The following AFAP1L2 variants were observed in gnomAD, a reference collection of about 807,000 sequenced individuals.
AFAP1L2 encodes actin filament-associated protein 1-like 2.
Under a neutral mutation model 99.3 loss-of-function variants are expected in AFAP1L2, and 46 were observed. The observed-to-expected ratio is 0.46, with a 90% CI of 0.37 to 0.59. The LOEUF (loss-of-function observed/expected upper bound fraction) is 0.59, where lower values mean the gene tolerates loss of function less well. Ranked by LOEUF, AFAP1L2 falls within the 20% of genes least tolerant of loss-of-function variation. The pLI, the probability that AFAP1L2 is intolerant of heterozygous loss-of-function variation, is 0.00. For missense variants in AFAP1L2, 959 were observed against 1,034.9 expected, an observed-to-expected ratio of 0.93 and a Z score of 1.01; for synonymous variants, 397 against 419.1, an observed-to-expected ratio of 0.95 and a Z score of 0.64.
At chr10:114,285,018 A>C in the AFAP1L2 span, 1 of 1,444,546 alleles carries the variant, frequency 6.9e-7, no homozygotes, top group Non-Finnish European at 9.3e-7. Context: ...GAGCAAGAAG[A>C]GGACGGGCTC....
At chr10:114,375,705 A>G (rs2054705353) in intron 1 of AFAP1L2, among the ~76,000 whole-genome samples, 1 of 152,214 alleles carries the variant, frequency 6.6e-6, no homozygotes, top group African/African-American at 2.4e-5. Context: ...TAGGCATCAT[A>G]GCTCACACCT....
At chr10:114,355,221 C>T (rs1241966251) in intron 1 of AFAP1L2, among the ~76,000 whole-genome samples, 2 of 151,084 alleles carry the variant, frequency 1.3e-5, no homozygotes, top group Non-Finnish European at 2.9e-5. Context: ...GGGGAGGTTG[C>T]CTCCCCCACA....
intron 12 of AFAP1L2, 96 bp from the exon 13 acceptor site, chr10:114,301,561 A>T: frequency 2.2e-6 from 2 of 895,784 alleles, no homozygotes; most frequent in Admixed American, 3.8e-5. Flanking sequence ...GGTTGCCGTG[A>T]AAGTGGTGGC....
chr10:114,382,682 G>T (rs1404916250), intron 1 of AFAP1L2, among the ~76,000 whole-genome samples: 1 of 139,214 alleles, frequency 7.2e-6, no homozygotes, highest in Non-Finnish European at 1.5e-5. Context: ...CCCAACCTCT[G>T]CCTCCTGGGT....
At chr10:114,302,144 T>G in intron 12 of AFAP1L2, 195 bp downstream of exon 12, 1 of 804,502 alleles carries the variant, frequency 1.2e-6, no homozygotes, top group Non-Finnish European at 1.9e-6. Flanking sequence ...CTGGCTCGGC[T>G]CCTTGCTCTT....
chr10:114,287,155 A>G, the AFAP1L2 span, among the ~76,000 whole-genome samples: 20 of 152,300 alleles, frequency 1.3e-4, no homozygotes, highest in African/African-American at 4.6e-4. Flanking sequence ...GGCCTGGCCC[A>G]TGGCCAGAGA....
intron 5 of AFAP1L2, among the ~76,000 whole-genome samples, chr10:114,319,190 A>C (rs533721442): frequency 2.4e-4 from 36 of 152,280 alleles, no homozygotes; most frequent in African/African-American, 7.9e-4. Flanking sequence ...TGATATTCTT[A>C]AAACAGATAC....
chr10:114,331,774 G>A (rs2047271056), intron 4 of AFAP1L2, 29 bp downstream of exon 4: 4 of 1,320,454 alleles, frequency 3.0e-6, no homozygotes, highest in Middle Eastern at 1.9e-4. Context: ...TCACGTCAGG[G>A]AAATCAGGGG....
At chr10:114,293,605 T>G (rs1221386261), downstream of AFAP1L2, among the ~76,000 whole-genome samples, 1 of 152,220 alleles carries the variant, frequency 6.6e-6, no homozygotes, top group East Asian at 1.9e-4. Flanking sequence ...TAAAAGAAAT[T>G]AGCTTTAATT....
chr10:114,333,012 C>T (rs572059476), intron 3 of AFAP1L2, among the ~76,000 whole-genome samples: 1 of 152,310 alleles, frequency 6.6e-6, no homozygotes, highest in East Asian at 1.9e-4. Flanking sequence ...ATTCCTTATC[C>T]AATGGGCAAG....
chr10:114,333,676 G>C (rs2047535396), intron 2 of AFAP1L2, among the ~76,000 whole-genome samples: 1 of 152,084 alleles, frequency 6.6e-6, no homozygotes, highest in South Asian at 2.1e-4. Context: ...AAGTTAGCCA[G>C]GCATGGTAGC....
Position 114,302,416 on chromosome 10 carries a change from G to A in AFAP1L2, c.1353C>T (p.Asp451=). 6.2e-7 allele frequency: 1 copy of A among 1,614,152 alleles called. No homozygotes were observed. The highest frequency in any genetic ancestry group is 8.5e-7 in the Non-Finnish European group (1 of 1,180,024). Residue 451 remains aspartate (D), a synonymous_variant, in exon 12 of 19, where the codon GAC becomes GAT. Coordinates refer to ENST00000304129, the MANE Select transcript of AFAP1L2 (RefSeq NM_001001936.3). ...CATAGTCGTAGGTGAACTCTTCTGG[G>A]TCTGTCTTGGAGCCTGACTCAGAGA... ...LLLSESGSKT[D]PEEFTYDYVD...
chr10:114,336,469 A>G (rs940973801), intron 2 of AFAP1L2, among the ~76,000 whole-genome samples: 1 of 152,240 alleles, frequency 6.6e-6, no homozygotes, highest in Non-Finnish European at 1.5e-5. Flanking sequence ...GGAGAGACAT[A>G]CCTGAATCTG....
chr10:114,312,352 G>A (rs576890078), intron 7 of AFAP1L2, among the ~76,000 whole-genome samples: 7 of 152,202 alleles, frequency 4.6e-5, no homozygotes, highest in Admixed American at 2.0e-4. Context: ...GCATTTGTCC[G>A]TGTGTGTACA....
At chr10:114,376,935 G>C (rs929374780) in intron 1 of AFAP1L2, among the ~76,000 whole-genome samples, 1 of 152,164 alleles carries the variant, frequency 6.6e-6, no homozygotes, top group Non-Finnish European at 1.5e-5. Flanking sequence ...AGCTAGGAGG[G>C]ATAGGAGCAA....
intron 1 of AFAP1L2, among the ~76,000 whole-genome samples, chr10:114,378,545 C>A (rs769335937): frequency 6.6e-6 from 1 of 152,186 alleles, no homozygotes; most frequent in Non-Finnish European, 1.5e-5. Flanking sequence ...ATAATTTCTG[C>A]GTGAGAAATG....
intron 12 of AFAP1L2, 131 bp downstream of exon 12, chr10:114,302,208 A>G: frequency 2.2e-6 from 3 of 1,352,176 alleles, no homozygotes; most frequent in Non-Finnish European, 3.1e-6. Flanking sequence ...CCTTGGCTTC[A>G]CATTTTCCTG....
At chr10:114,392,926 C>T (rs962003564) in intron 1 of AFAP1L2, among the ~76,000 whole-genome samples, 1 of 152,150 alleles carries the variant, frequency 6.6e-6, no homozygotes, top group Non-Finnish European at 1.5e-5. Context: ...TCTTGTAGGA[C>T]AAGTCTTACA....
downstream of AFAP1L2, chr10:114,291,391 C>A: frequency 1.2e-6 from 1 of 852,180 alleles, no homozygotes; most frequent in South Asian, 1.8e-5. Flanking sequence ...CCACTATTCT[C>A]ACTGAGGGAG....
Sources: allele counts gnomAD v4.1 joint callset (sites outside exome capture counted in the v4.1 genomes callset), GRCh38; gene constraint gnomAD v4.1.1; transcripts MANE v1.5; gene names NCBI Gene and HGNC (gene_info 2026-07-23, HGNC 2026-07-21).